The following NRIP1 variants were observed in gnomAD, a reference collection of about 807,000 sequenced individuals.
The protein encoded by NRIP1 is nuclear receptor interacting protein 1.
A neutral mutation model predicts 75.0 loss-of-function variants in NRIP1; 28 were observed. The ratio of observed to expected loss-of-function variants is 0.37; its 90% CI spans 0.28 to 0.51. The LOEUF (loss-of-function observed/expected upper bound fraction) is 0.51, where lower values mean the gene tolerates loss of function less well. Ranked by LOEUF, NRIP1 falls within the 20% of genes least tolerant of loss-of-function variation. The pLI, the probability that NRIP1 is intolerant of heterozygous loss-of-function variation, is 0.92. For missense variants in NRIP1, 1,435 were observed against 1,343.7 expected (o/e 1.07, Z -1.06); for synonymous variants, 526 against 487.6 (o/e 1.08, Z -1.04).
chr21:14,967,033 T>C lies in NRIP1; in HGVS notation c.1160A>G (p.Gln387Arg). Residue 387 changes from glutamine to arginine, a missense_variant, in exon 4 of 4, where the codon CAG (glutamine) becomes CGG (arginine). Transcript: ENST00000318948. Reference sequence around the variant, plus strand: ...TCCATTCATTGGCTTAGGTATAGTCTGGCTTTTAAGAAGATGTAAAAGCAA... The same window carrying C: ...TCCATTCATTGGCTTAGGTATAGTCCGGCTTTTAAGAAGATGTAAAAGCAA... ...NSLLLHLLKS[Q>R]TIPKPMNGHS... The C allele has an allele frequency of 1.2e-6, 2 of 1,614,212 alleles. No individual in the cohort carries two copies. The highest frequency in any genetic ancestry group is 1.3e-5 in the African/African-American group (1 of 75,074).
chr21:14,993,318 T>C (rs1280494428), intron 3 of NRIP1, among the ~76,000 whole-genome samples: 4 of 152,058 alleles, frequency 2.6e-5, no homozygotes, highest in African/African-American at 7.2e-5. Flanking sequence ...CTCAGAGGAC[T>C]AGATACCACT....
chr21:15,010,850 G>A (rs2088084889), intron 3 of NRIP1, among the ~76,000 whole-genome samples: 1 of 152,138 alleles, frequency 6.6e-6, no homozygotes. Flanking sequence ...GTGGATGGAA[G>A]CAATGCTGGA....
In NRIP1 at chr21:15,064,602, C is replaced by T. The variant is rs144553965; in HGVS notation, c.-538+143G>A. ...ACCAGGCAGCAGAGGCAGGATTTCC[C>T]CGGAAACGCGCCCTCCCCGCCGCCC... On this transcript the variant is annotated intron_variant, in intron 1 of 3. Coordinates refer to ENST00000318948, the MANE Select transcript of NRIP1 (RefSeq NM_003489.4). 0.016 allele frequency: 2,404 copies of T among 152,424 alleles called. 249 individuals carry two copies. In the East Asian group the frequency reaches 0.29, roughly 18 times the overall value. 9.4% of individuals were successfully genotyped at this position (152,424 alleles called of 1,614,324 possible). A position where few individuals can be genotyped will look rare whatever the true frequency, so the allele number is the denominator to read the frequency against.
chr21:15,013,300 G>A (rs973206645), intron 3 of NRIP1, among the ~76,000 whole-genome samples: 6 of 152,172 alleles, frequency 3.9e-5, no homozygotes, highest in African/African-American at 1.4e-4. Flanking sequence ...TTAAGTGGGT[G>A]ATTAAAATAA....
chr21:15,000,810 T>C (rs569878201), intron 3 of NRIP1, among the ~76,000 whole-genome samples: 130 of 152,326 alleles, frequency 8.5e-4, no homozygotes, highest in African/African-American at 3.1e-3. Flanking sequence ...TTGATGCCTA[T>C]ATCCAATTGA....
At chr21:14,986,916 T>C (rs995841905) in intron 3 of NRIP1, among the ~76,000 whole-genome samples, 1 of 152,210 alleles carries the variant, frequency 6.6e-6, no homozygotes, top group African/African-American at 2.4e-5. Context: ...GTTTTCATAA[T>C]AGCATGGCAT....
At position 14,983,592 on chromosome 21, in the gene NRIP1, A is replaced by C. The variant is rs114244414; in HGVS notation, c.-334-15066T>G. Among the ~76,000 whole-genome samples, 337 of 152,334 alleles carry C rather than the reference A, an allele frequency of 2.2e-3. 1 individual carries two copies. Among genetic ancestry groups the C allele is most frequent in the African/African-American group, 7.5e-3 (313 of 41,576 alleles). On this transcript the variant is annotated intron_variant, in intron 3 of 3. Coordinates refer to ENST00000318948, the MANE Select transcript of NRIP1 (RefSeq NM_003489.4). The stretch of plus-strand genomic sequence containing the variant: ...AAACAACAGATTTTCAATAGAGACA[A>C]AACAGCCTTAAATTGGAAGAAGATT...
chr21:14,997,054 A>G (rs1366244183), intron 3 of NRIP1, among the ~76,000 whole-genome samples: 1 of 152,198 alleles, frequency 6.6e-6, no homozygotes, highest in African/African-American at 2.4e-5. Context: ...CCTTCCTGAG[A>G]AAAGCACTGT....
intron 1 of NRIP1, among the ~76,000 whole-genome samples, chr21:15,054,388 T>A (rs765750976): frequency 7.0e-6 from 1 of 142,908 alleles, no homozygotes; most frequent in African/African-American, 2.8e-5. Flanking sequence ...AAAAAAAATG[T>A]TGCCCCCAAA....
chr21:15,024,360 T>C lies in NRIP1; in HGVS notation c.-457-9894A>G, dbSNP rs543579228. Among the ~76,000 whole-genome samples the C allele has an allele frequency of 3.3e-5, 5 of 152,186 alleles. No homozygotes were observed. In the South Asian group the frequency reaches 6.2e-4, roughly 19 times the overall value. On this transcript the variant is annotated intron_variant, in intron 2 of 3. Transcript: ENST00000318948. ...GAGTTCGAGACCAGCCTGGCCAACA[T>C]GGTGAAACCCCGTCTCTACTAAAAT...
chr21:15,064,248 G>A (rs1405097967), intron 1 of NRIP1, among the ~76,000 whole-genome samples: 2 of 152,222 alleles, frequency 1.3e-5, no homozygotes, highest in Non-Finnish European at 2.9e-5. Context: ...GGTGGGGGCC[G>A]GGCGAGCTGT....
At chr21:15,038,827 T>G (rs1158244830) in intron 2 of NRIP1, among the ~76,000 whole-genome samples, 1 of 152,114 alleles carries the variant, frequency 6.6e-6, no homozygotes. Flanking sequence ...AATAAATAAC[T>G]AGTCTATAAA....
intron 3 of NRIP1, among the ~76,000 whole-genome samples, chr21:15,009,204 GAAAGA>G (rs2088044136): frequency 1.3e-5 from 2 of 152,128 alleles, no homozygotes; most frequent in South Asian, 4.1e-4. Context: ...GGAAAGAAAA[GAAAGA>G]ACTTTCTAAA....
intron 1 of NRIP1, chr21:15,050,662 G>A (rs775490635): frequency 1.8e-5 from 8 of 447,276 alleles, no homozygotes; most frequent in South Asian, 1.3e-4. Flanking sequence ...TACCCTTAAA[G>A]CAAGTACATA....
At chr21:15,064,232 G>C (rs1978625051) in intron 1 of NRIP1, among the ~76,000 whole-genome samples, 1 of 152,264 alleles carries the variant, frequency 6.6e-6, no homozygotes, top group Non-Finnish European at 1.5e-5. Context: ...GAGCGGCCCG[G>C]GGTCGGGTGG....
At chr21:14,977,852 A>G (rs1448079146) in intron 3 of NRIP1, among the ~76,000 whole-genome samples, 1 of 152,236 alleles carries the variant, frequency 6.6e-6, no homozygotes, top group Non-Finnish European at 1.5e-5. Flanking sequence ...AATTATCTAA[A>G]TACATTTTGC....
At chr21:15,053,234 A>G (rs1331713041) in intron 1 of NRIP1, among the ~76,000 whole-genome samples, 4 of 152,238 alleles carry the variant, frequency 2.6e-5, no homozygotes, top group African/African-American at 9.6e-5. Context: ...ACGAGAGTTT[A>G]AAATTCACAG....
chr21:15,065,496 C>G (rs1433714353), upstream of NRIP1, among the ~76,000 whole-genome samples: 1 of 152,050 alleles, frequency 6.6e-6, no homozygotes, highest in Non-Finnish European at 1.5e-5. Context: ...TCCAGGGTCC[C>G]CGCCTGCCTT....
intron 3 of NRIP1, among the ~76,000 whole-genome samples, chr21:15,013,198 G>T (rs1395082249): frequency 1.3e-5 from 2 of 152,054 alleles, no homozygotes; most frequent in Non-Finnish European, 1.5e-5. Flanking sequence ...AAAGTGACTT[G>T]CAACCAAATA....
Sources: gnomAD v4.1 joint callset for allele counts (sites outside exome capture counted in the v4.1 genomes callset) on GRCh38, gnomAD v4.1.1 for gene constraint, MANE v1.5 for transcripts, NCBI Gene and HGNC (gene_info 2026-07-23, HGNC 2026-07-21) for gene names.